The following SEMA5B variants were observed in gnomAD, a reference collection of about 807,000 sequenced individuals.
SEMA5B encodes semaphorin 5B.
SEMA5B carries 66 observed loss-of-function variants against 135.0 expected under a neutral mutation model. The ratio of observed to expected loss-of-function variants is 0.49; its 90% CI spans 0.40 to 0.60. The LOEUF (loss-of-function observed/expected upper bound fraction) is 0.60, where lower values mean the gene tolerates loss of function less well. Among genes scored for constraint, SEMA5B ranks in the 20% least tolerant of loss-of-function variants. The pLI is 0.00. For synonymous variants in SEMA5B, 690 were observed against 639.5 expected (o/e 1.08, Z -1.19); for missense variants, 1,501 against 1,566.3 (o/e 0.96, Z 0.70).
intron 1 of SEMA5B, among the ~76,000 whole-genome samples, chr3:122,985,320 C>T (rs541054062): frequency 9.7e-4 from 148 of 152,154 alleles, no homozygotes; most frequent in African/African-American, 3.4e-3. Context: ...TAGCAAGACC[C>T]TGTCTCTAAA....
At chr3:123,025,792 A>G (rs1197493426) in intron 1 of SEMA5B, among the ~76,000 whole-genome samples, 2 of 152,324 alleles carry the variant, frequency 1.3e-5, no homozygotes, top group East Asian at 3.9e-4. Context: ...ACCAAGTGGC[A>G]AGTTCCCCCA....
At chr3:122,927,752 C>A in intron 8 of SEMA5B, 38 bp downstream of exon 8, 1 of 1,369,036 alleles carries the variant, frequency 7.3e-7, no homozygotes, top group East Asian at 2.7e-5. Flanking sequence ...GGCTCAAAAC[C>A]AGGGGAGTCC....
chr3:122,954,044 ATTC>A (rs1450287911), intron 2 of SEMA5B, among the ~76,000 whole-genome samples: 1 of 152,168 alleles, frequency 6.6e-6, no homozygotes, highest in East Asian at 1.9e-4. Flanking sequence ...TGGTGGTCAT[ATTC>A]TTCTGTTTTT....
At chr3:123,010,734 C>G (rs1241909098) in intron 1 of SEMA5B, among the ~76,000 whole-genome samples, 1 of 144,274 alleles carries the variant, frequency 6.9e-6, no homozygotes, top group Admixed American at 7.3e-5. Flanking sequence ...CACTTGAACC[C>G]GGGAGGTGGA....
intron 1 of SEMA5B, among the ~76,000 whole-genome samples, chr3:122,961,509 T>C (rs1232663562): frequency 3.3e-5 from 5 of 151,982 alleles, no homozygotes; most frequent in Non-Finnish European, 7.4e-5. Flanking sequence ...GCCCAGGCTC[T>C]AGTGCAGTAA....
rs116385700 is a variant in SEMA5B, at chr3:122,955,605, G to A, written c.124+5535C>T. Among the ~76,000 whole-genome samples the A allele has an allele frequency of 6.3e-3, 961 of 152,252 alleles. 6 individuals are homozygous for A. The highest frequency in any genetic ancestry group is 0.022 in the African/African-American group (908 of 41,526). The stretch of plus-strand genomic sequence containing the variant: ...AGAATTTCCCCACCAGCAGTGCATA[G>A]CCAATCCAATTATCCCGAGGGTTGT... On this transcript the variant is annotated intron_variant, in intron 2 of 22. Coordinates refer to ENST00000357599, the MANE Select transcript of SEMA5B (RefSeq NM_001031702.4).
chr3:122,936,521 G>A (rs1237246484), intron 5 of SEMA5B, among the ~76,000 whole-genome samples: 8 of 152,170 alleles, frequency 5.3e-5, no homozygotes, highest in Non-Finnish European at 1.2e-4. Flanking sequence ...AACAGTCCTC[G>A]TTTCTGCCTC....
intron 5 of SEMA5B, among the ~76,000 whole-genome samples, chr3:122,931,257 C>G (rs985247061): frequency 2.0e-5 from 3 of 152,128 alleles, no homozygotes; most frequent in Non-Finnish European, 4.4e-5. Flanking sequence ...CAGTCTTCAT[C>G]TTTTGAATTC....
chr3:122,929,480 A>T (rs1938841329), intron 5 of SEMA5B, among the ~76,000 whole-genome samples: 1 of 152,228 alleles, frequency 6.6e-6, no homozygotes, highest in African/African-American at 2.4e-5. Context: ...GCAGGAAGGG[A>T]GAAAAGATTT....
At chr3:122,962,908 A>G (rs1343671353) in intron 1 of SEMA5B, among the ~76,000 whole-genome samples, 1 of 151,966 alleles carries the variant, frequency 6.6e-6, no homozygotes, top group Non-Finnish European at 1.5e-5. Context: ...TAAACTAGGG[A>G]GGCTAGAGAG....
chr3:122,952,630 A>G (rs1940107330), intron 2 of SEMA5B, among the ~76,000 whole-genome samples: 1 of 152,206 alleles, frequency 6.6e-6, no homozygotes, highest in Non-Finnish European at 1.5e-5. Context: ...CTCTGGGGAA[A>G]GAGGAACAGG....
intron 2 of SEMA5B, among the ~76,000 whole-genome samples, chr3:122,952,234 A>C (rs35989119): frequency 0.17 from 25,920 of 152,110 alleles, 3,089 homozygotes; most frequent in African/African-American, 0.34. Flanking sequence ...CATGGAATTT[A>C]TCCTCAGTGC....
rs777649181 is a variant in SEMA5B at position 122,915,864 on chromosome 3, T to C, written c.1715A>G (p.Tyr572Cys). 3 of 1,613,948 alleles carry C rather than the reference T, an allele frequency of 1.9e-6. No individual in the cohort carries two copies. The highest frequency in any genetic ancestry group is 2.2e-5 in the East Asian group (1 of 44,856). ...TTGCTGCTTCCCGTCCCAGCCACAG[T>C]ACGGGTCCCGGGCCCCCAGGCATGC... Reference protein sequence around the residue: ...QGACLGARDPYCGWDGKQQRC... With the variant: ...QGACLGARDPCCGWDGKQQRC... The change falls in exon 13 of 23, where the codon TAC (tyrosine) becomes TGC (cysteine). Residue 572 changes from tyrosine to cysteine, a missense_variant. By Grantham distance (194) the Tyr-to-Cys change is radical (BLOSUM62 -2). Around this residue, in one of 2 missense-constraint regions of SEMA5B, gnomAD observed 927 missense variants for 881.6 expected, o/e 1.05. Coordinates refer to ENST00000357599, the MANE Select transcript of SEMA5B (RefSeq NM_001031702.4).
At chr3:122,926,296 C>A (rs1048014644) in intron 9 of SEMA5B, 96 bp downstream of exon 9, 3 of 1,214,842 alleles carry the variant, frequency 2.5e-6, no homozygotes, top group Non-Finnish European at 3.5e-6. Flanking sequence ...GCAGGAGGCA[C>A]GGCAGTCCCC....
Position 122,927,962 on chromosome 3 carries a change from CACACCA to C in SEMA5B, c.672_677del (p.Asn224_Val226delinsLys). ...GGCGTGGGTCATAGGGGCAGCGGGCCACACCATTGATCTTCTCAATAGTCCGGCTGA... is the reference window on the plus strand; with the variant it reads ...GGCGTGGGTCATAGGGGCAGCGGGCCTTGATCTTCTCAATAGTCCGGCTGA... On this transcript the variant is annotated inframe_deletion, in exon 8 of 23. Coordinates refer to ENST00000357599, the MANE Select transcript of SEMA5B (RefSeq NM_001031702.4). The C allele has an allele frequency of 6.4e-7, 1 of 1,554,090 alleles. No individual in the cohort carries two copies. Among genetic ancestry groups the C allele is most frequent in the Non-Finnish European group, 8.7e-7 (1 of 1,148,694 alleles).
intron 12 of SEMA5B, among the ~76,000 whole-genome samples, chr3:122,917,649 C>T (rs1342193214): frequency 6.6e-6 from 1 of 152,198 alleles, no homozygotes; most frequent in Non-Finnish European, 1.5e-5. Context: ...CTATCTGCTG[C>T]TCTTGGCCAA....
At chr3:122,966,219 C>A (rs1318806315) in intron 1 of SEMA5B, among the ~76,000 whole-genome samples, 1 of 152,168 alleles carries the variant, frequency 6.6e-6, no homozygotes, top group African/African-American at 2.4e-5. Context: ...GACTGCAAAC[C>A]CTGGGAGGCA....
At chr3:122,966,884 T>C (rs964390033) in intron 1 of SEMA5B, among the ~76,000 whole-genome samples, 8 of 143,586 alleles carry the variant, frequency 5.6e-5, no homozygotes, top group African/African-American at 2.1e-4. Context: ...ATTATTATTA[T>C]TATTATTATT....
chr3:122,910,074 C>T lies in SEMA5B; in HGVS notation c.*69G>A, dbSNP rs1333527612. The T allele has an allele frequency of 2.6e-6, 4 of 1,540,468 alleles. No homozygotes were observed. The highest frequency in any genetic ancestry group is 4.5e-5 in the East Asian group (2 of 44,060). On this transcript the variant is annotated 3_prime_UTR_variant, in exon 23 of 23. Transcript: ENST00000357599. ...GCAGAGGGAGAAAACCAAACTGGCT[C>T]CACTGTCCCATCTCCATCTGCTCTG...
Sources: gnomAD v4.1 joint callset for allele counts (sites outside exome capture counted in the v4.1 genomes callset) on GRCh38, gnomAD v4.1.1 for gene constraint, gnomAD v4.1.1 regional missense constraint, MANE v1.5 for transcripts, NCBI Gene and HGNC (gene_info 2026-07-23, HGNC 2026-07-21) for gene names.